B3GALT1: variants seen among roughly 807,000 people sequenced by gnomAD.
B3GALT1 encodes beta-1,3-galactosyltransferase 1.
B3GALT1 carries 10 observed loss-of-function variants against 23.2 expected under a neutral mutation model. The observed-to-expected ratio is 0.43, with a 90% CI of 0.27 to 0.73. The LOEUF is 0.73. Ranked by LOEUF, B3GALT1 falls within the 30% of genes least tolerant of loss-of-function variation. The pLI, the probability that B3GALT1 is intolerant of heterozygous loss-of-function variation, is 0.21. For missense variants in B3GALT1, 299 were observed against 405.4 expected (o/e 0.74, Z 2.25); for synonymous variants, 156 against 141.5 (o/e 1.10, Z -0.73).
intron 1 of B3GALT1, among the ~76,000 whole-genome samples, chr2:167,298,559 TTATGTC>T (rs1037622696): frequency 3.3e-5 from 5 of 152,148 alleles, no homozygotes; most frequent in Admixed American, 3.3e-4. Context: ...ACTTCATTCT[TTATGTC>T]TATAGCATAC....
intron 1 of B3GALT1, among the ~76,000 whole-genome samples, chr2:167,418,826 T>C (rs1698506868): frequency 6.6e-6 from 1 of 152,154 alleles, no homozygotes; most frequent in South Asian, 2.1e-4. Context: ...CGTGAGCCAC[T>C]GTGCCCAGCC....
rs190175877 is a variant in B3GALT1 at position 167,694,443 on chromosome 2, C to G, written c.-352+47477C>G. Among the ~76,000 whole-genome samples, 299 of 151,870 alleles carry G rather than the reference C, an allele frequency of 2.0e-3. 4 individuals carry two copies. Among genetic ancestry groups the G allele is most frequent in the African/African-American group, 7.0e-3 (288 of 41,272 alleles). On this transcript the variant is annotated intron_variant, in intron 3 of 4. Coordinates refer to ENST00000392690, the MANE Select transcript of B3GALT1 (RefSeq NM_020981.4). ...AACAAAACTTCCTCCATTTTGTTAA[C>G]TTAACTATGTAAACAAGGCTCTCAA...
At chr2:167,491,580 C>T (rs1165265613) in intron 2 of B3GALT1, among the ~76,000 whole-genome samples, 10 of 148,878 alleles carry the variant, frequency 6.7e-5, no homozygotes, top group Middle Eastern at 3.5e-3. Flanking sequence ...TTTGGGAGGC[C>T]GAGGCGGGCA....
chr2:167,603,262 G>A (rs572252657), intron 2 of B3GALT1, among the ~76,000 whole-genome samples: 27 of 152,228 alleles, frequency 1.8e-4, no homozygotes, highest in African/African-American at 6.5e-4. Context: ...CTCAAAATTA[G>A]AGCCACAGAA....
chr2:167,562,648 T>TG (rs1441327944), intron 2 of B3GALT1, among the ~76,000 whole-genome samples: 21 of 118,144 alleles, frequency 1.8e-4, no homozygotes, highest in African/African-American at 7.6e-4. Context: ...TCACAAGCAT[T>TG]CTTTTTTTTT....
At chr2:167,523,802 T>C (rs1400155351) in intron 2 of B3GALT1, among the ~76,000 whole-genome samples, 1 of 152,322 alleles carries the variant, frequency 6.6e-6, no homozygotes, top group East Asian at 1.9e-4. Context: ...TCCTGTACTT[T>C]GCTATTTGAA....
chr2:167,536,095 C>T lies in B3GALT1; in HGVS notation c.-410+45818C>T, dbSNP rs558884841. 8.5e-5 allele frequency among the ~76,000 whole-genome samples: 13 copies of T among 152,116 alleles called. No homozygotes were observed. The South Asian group carries it at 2.1e-3, about 24-fold the overall frequency. ...CTAATTTTTGTACTTTTAGTAGAGA[C>T]GTGATTTCACTATGTTGATCAGGCT... is the stretch of plus-strand genomic sequence containing the variant. On this transcript the variant is annotated intron_variant, in intron 2 of 4. Transcript: ENST00000392690.
intron 2 of B3GALT1, among the ~76,000 whole-genome samples, chr2:167,636,074 A>G (rs893422891): frequency 2.0e-5 from 3 of 151,990 alleles, no homozygotes; most frequent in Admixed American, 2.0e-4. Context: ...AAACCCGACA[A>G]AAACCTACCT....
At position 167,419,178 on chromosome 2, in the gene B3GALT1, A is replaced by G. The variant is rs187958933; in HGVS notation, c.-510-70999A>G. On this transcript the variant is annotated intron_variant, in intron 1 of 4. Coordinates refer to ENST00000392690, the MANE Select transcript of B3GALT1 (RefSeq NM_020981.4). ...ATAAGAAAATCCATAGTCTTATCAA[A>G]TAAAGAACTGGCAAATAAGTACTAG... 5.3e-5 allele frequency among the ~76,000 whole-genome samples: 8 copies of G among 152,366 alleles called. No individual in the cohort carries two copies. The East Asian group carries it at 1.5e-3, about 29-fold the overall frequency.
At position 167,440,776 on chromosome 2, in the gene B3GALT1, C is replaced by T. The variant is rs570371479; in HGVS notation, c.-510-49401C>T. ...TCTCTAAAATTGACCTTTCTTATCT[C>T]ATAGTTTTTTAAGTAAGTTTTCCTT... On this transcript the variant is annotated intron_variant, in intron 1 of 4. Coordinates refer to ENST00000392690, the MANE Select transcript of B3GALT1 (RefSeq NM_020981.4). Among the ~76,000 whole-genome samples, 12 of 151,998 alleles carry T rather than the reference C, an allele frequency of 7.9e-5. No individual in the cohort carries two copies. The South Asian group carries it at 2.1e-3, about 26-fold the overall frequency.
intron 1 of B3GALT1, among the ~76,000 whole-genome samples, chr2:167,299,876 CT>C (rs960788112): frequency 6.6e-6 from 1 of 150,668 alleles, no homozygotes; most frequent in Non-Finnish European, 1.5e-5. Flanking sequence ...AACATATATT[CT>C]TTTTTTAACT....
chr2:167,806,388 G>T (rs1290389790), intron 3 of B3GALT1, among the ~76,000 whole-genome samples: 1 of 152,120 alleles, frequency 6.6e-6, no homozygotes, highest in Non-Finnish European at 1.5e-5. Flanking sequence ...GGTGAGAGAG[G>T]GCATCCCTGC....
chr2:167,725,088 A>G (rs1262526930), intron 3 of B3GALT1, among the ~76,000 whole-genome samples: 1 of 152,230 alleles, frequency 6.6e-6, no homozygotes, highest in Non-Finnish European at 1.5e-5. Context: ...CAAATCCTGT[A>G]TGTTCCAGCA....
At chr2:167,352,431 C>G (rs1055724339) in intron 1 of B3GALT1, among the ~76,000 whole-genome samples, 1 of 151,062 alleles carries the variant, frequency 6.6e-6, no homozygotes, top group South Asian at 2.1e-4. Context: ...TAAGATATCT[C>G]GAAACTGTAG....
intron 2 of B3GALT1, among the ~76,000 whole-genome samples, chr2:167,503,201 A>G (rs1271807940): frequency 6.6e-6 from 1 of 152,128 alleles, no homozygotes; most frequent in Non-Finnish European, 1.5e-5. Context: ...TTTTCCCTTC[A>G]TTTCTACCCA....
intron 2 of B3GALT1, among the ~76,000 whole-genome samples, chr2:167,607,529 G>T (rs1558922705): frequency 6.6e-6 from 1 of 152,142 alleles, no homozygotes; most frequent in African/African-American, 2.4e-5. Flanking sequence ...GTGTGCGTGT[G>T]TGTGTGCACA....
intron 3 of B3GALT1, among the ~76,000 whole-genome samples, chr2:167,812,929 G>A (rs960490802): frequency 2.7e-5 from 4 of 150,740 alleles, no homozygotes; most frequent in Non-Finnish European, 5.9e-5. Flanking sequence ...AGAGAAAAAT[G>A]CATTTAATCA....
In B3GALT1 at chr2:167,645,169, G is replaced by A. The variant is rs148786122; in HGVS notation, c.-409-1740G>A. On this transcript the variant is annotated intron_variant, in intron 2 of 4. Transcript: ENST00000392690. ...TGCTGACTTTTGAATGGACTCAGCC[G>A]TCCACCATTGCTCAGTAAAGGATGC... Among the ~76,000 whole-genome samples the A allele has an allele frequency of 4.4e-3, 667 of 152,164 alleles. 6 individuals carry two copies. The highest frequency in any genetic ancestry group is 0.015 in the African/African-American group (636 of 41,506).
chr2:167,438,326 A>C (rs190386862), intron 1 of B3GALT1, among the ~76,000 whole-genome samples: 1 of 152,202 alleles, frequency 6.6e-6, no homozygotes. Flanking sequence ...CACACTGTTG[A>C]TTAGTGCCTG....
Sources: gnomAD v4.1 joint callset for allele counts (sites outside exome capture counted in the v4.1 genomes callset) on GRCh38, gnomAD v4.1.1 for gene constraint, MANE v1.5 for transcripts, NCBI Gene and HGNC (gene_info 2026-07-23, HGNC 2026-07-21) for gene names.